The following TEKTL1 variants were observed in gnomAD, a reference collection of about 807,000 sequenced individuals.
The protein encoded by TEKTL1 is tektin-like protein 1.
chr19:15,018,287 G>A, the TEKTL1 span, among the ~76,000 whole-genome samples: 1 of 152,206 alleles, frequency 6.6e-6, no homozygotes, highest in African/African-American at 2.4e-5. Flanking sequence ...CCGGGAGGCA[G>A]AGGTTTCAGT....
the TEKTL1 span, chr19:15,011,098 G>T: frequency 6.4e-7 from 1 of 1,567,218 alleles, no homozygotes; most frequent in East Asian, 2.3e-5. Flanking sequence ...CGCCAGGCGA[G>T]GGCGTCACGC....
chr19:15,013,444 C>T, the TEKTL1 span, among the ~76,000 whole-genome samples: 1 of 152,056 alleles, frequency 6.6e-6, no homozygotes, highest in African/African-American at 2.4e-5. Context: ...AGAGAGACGC[C>T]CCCAACCTCA....
chr19:15,018,295 A>G, the TEKTL1 span, among the ~76,000 whole-genome samples: 42,724 of 152,096 alleles, frequency 0.28, 6,676 homozygotes, highest in East Asian at 0.55. Flanking sequence ...CAGAGGTTTC[A>G]GTGAGCCAAG....
At chr19:15,011,257 G>A in the TEKTL1 span, 2 of 1,514,060 alleles carry the variant, frequency 1.3e-6, no homozygotes, top group Non-Finnish European at 8.8e-7. Context: ...GCCGCGCGCA[G>A]CACCAGATTA....
chr19:15,016,823 A>G, the TEKTL1 span, among the ~76,000 whole-genome samples: 1 of 152,220 alleles, frequency 6.6e-6, no homozygotes, highest in African/African-American at 2.4e-5. Context: ...TGATATGCAT[A>G]TGAATGGGCA....
the TEKTL1 span, among the ~76,000 whole-genome samples, chr19:15,018,715 A>AATATATATATATATAT: frequency 7.8e-4 from 53 of 68,296 alleles, 10 homozygotes; most frequent in African/African-American, 1.1e-3. Flanking sequence ...CCTATCTCAA[A>AATATATATATATATAT]ATATGTATAT....
the TEKTL1 span, among the ~76,000 whole-genome samples, chr19:15,015,993 T>C: frequency 6.6e-6 from 1 of 151,934 alleles, no homozygotes; most frequent in African/African-American, 2.4e-5. Flanking sequence ...TGCATTTGAA[T>C]AAGCATTGGA....
chr19:15,021,413 T>A, the TEKTL1 span: 2 of 1,614,082 alleles, frequency 1.2e-6, no homozygotes, highest in African/African-American at 2.7e-5. Flanking sequence ...GACACCTTGG[T>A]AGAAATGGCA....
the TEKTL1 span, chr19:15,021,907 G>A: frequency 1.1e-5 from 17 of 1,613,404 alleles, no homozygotes; most frequent in African/African-American, 2.7e-5. Context: ...CGGAGGCTGC[G>A]CGCCTCGCAC....
At chr19:15,011,323 CG>C in the TEKTL1 span, 1 of 1,515,588 alleles carries the variant, frequency 6.6e-7, no homozygotes, top group Non-Finnish European at 8.8e-7. Flanking sequence ...ACAGGCTCAG[CG>C]AAGTGCGCAA....
the TEKTL1 span, among the ~76,000 whole-genome samples, chr19:15,014,742 G>GGGGA: frequency 8.0e-6 from 1 of 125,674 alleles, no homozygotes; most frequent in African/African-American, 3.1e-5. Context: ...GGGGGGCGGG[G>GGGGA]GCTGCTGAAA....
chr19:15,015,126 G>T, the TEKTL1 span, among the ~76,000 whole-genome samples: 2 of 152,288 alleles, frequency 1.3e-5, no homozygotes, highest in South Asian at 4.2e-4. Context: ...GTTCAAGGCT[G>T]CAGTGAGCCA....
At chr19:15,019,621 A>T in the TEKTL1 span, among the ~76,000 whole-genome samples, 1 of 152,198 alleles carries the variant, frequency 6.6e-6, no homozygotes, top group Admixed American at 6.5e-5. Flanking sequence ...TAAGATGTAG[A>T]CATGTCTCTC....
the TEKTL1 span, chr19:15,021,760 G>T: frequency 6.2e-7 from 1 of 1,612,110 alleles, no homozygotes; most frequent in African/African-American, 1.3e-5. Flanking sequence ...GGGTGCCGGT[G>T]GCTGGAGGCT....
chr19:15,022,734 T>TTC, the TEKTL1 span: 1 of 892,960 alleles, frequency 1.1e-6, no homozygotes, highest in African/African-American at 1.7e-5. Context: ...TTTTTTTTTT[T>TTC]CCAGGCACAC....
At chr19:15,020,728 C>T in the TEKTL1 span, 6 of 1,364,578 alleles carry the variant, frequency 4.4e-6, no homozygotes, top group South Asian at 2.6e-5. Flanking sequence ...TGCAGCCCGT[C>T]GCCCACTTAG....
chr19:15,011,754 A>AC, the TEKTL1 span, among the ~76,000 whole-genome samples: 2 of 143,832 alleles, frequency 1.4e-5, no homozygotes, highest in Non-Finnish European at 3.0e-5. Flanking sequence ...AAAAAAAAAT[A>AC]TTTCCATAGA....
At chr19:15,021,662 G>T in the TEKTL1 span, 2 of 1,614,110 alleles carry the variant, frequency 1.2e-6, no homozygotes, top group Non-Finnish European at 1.7e-6. Context: ...ACTATCCTCC[G>T]GTGTACGAAA....
chr19:15,020,785 A>T, the TEKTL1 span: 1 of 766,366 alleles, frequency 1.3e-6, no homozygotes, highest in South Asian at 1.8e-5. Context: ...GGAGGACTGA[A>T]AGCCTATCAT....
Sources: gnomAD v4.1 joint callset for allele counts (sites outside exome capture counted in the v4.1 genomes callset) on GRCh38, gnomAD v4.1.1 for gene constraint, MANE v1.5 for transcripts, NCBI Gene and HGNC (gene_info 2026-07-23, HGNC 2026-07-21) for gene names.